STAMBPL1: variants seen among roughly 807,000 people sequenced by gnomAD.
STAMBPL1 encodes the protein STAM binding protein like 1.
Under a neutral mutation model 52.9 loss-of-function variants are expected in STAMBPL1, and 44 were observed. The ratio of observed to expected loss-of-function variants is 0.83; its 90% confidence interval spans 0.65 to 1.07. The LOEUF (loss-of-function observed/expected upper bound fraction) is 1.07. STAMBPL1 is among the 50% of genes least tolerant of loss of function. STAMBPL1 has a pLI of 0.00. For synonymous variants in STAMBPL1, 164 were observed against 177.3 expected (o/e 0.92, Z 0.60); for missense variants, 511 against 520.8 (o/e 0.98, Z 0.18).
At chr10:88,922,597 T>A (rs1845543180) in intron 10 of STAMBPL1, among the ~76,000 whole-genome samples, 161 bp downstream of exon 10, 1 of 152,218 alleles carries the variant, frequency 6.6e-6, no homozygotes, top group African/African-American at 2.4e-5. Flanking sequence ...ACTTAATTTC[T>A]GATTTATTCT....
At chr10:88,903,213 T>A (rs1307109853) in intron 2 of STAMBPL1, among the ~76,000 whole-genome samples, 1 of 152,238 alleles carries the variant, frequency 6.6e-6, no homozygotes, top group East Asian at 1.9e-4. Flanking sequence ...AGACTTTAGG[T>A]TATTTTCCAG....
chr10:88,886,162 A>G (rs1844526528), intron 1 of STAMBPL1, among the ~76,000 whole-genome samples: 1 of 152,252 alleles, frequency 6.6e-6, no homozygotes, highest in Admixed American at 6.5e-5. Flanking sequence ...ATTACTTACA[A>G]AATACCAAAA....
At chr10:88,921,535 C>T (rs771175108) in intron 9 of STAMBPL1, 140 bp downstream of exon 9, 4 of 623,008 alleles carry the variant, frequency 6.4e-6, no homozygotes, top group Middle Eastern at 3.3e-4. Flanking sequence ...TAGTAGTCAG[C>T]TGCCATAGAC....
At chr10:88,901,394 C>A in intron 1 of STAMBPL1, 1 of 247,254 alleles carries the variant, frequency 4.0e-6, no homozygotes, top group Non-Finnish European at 7.8e-6. Context: ...TAAGGTATCC[C>A]GCAGCAGATT....
intron 7 of STAMBPL1, 105 bp from the exon 8 acceptor site, chr10:88,916,574 AC>A (rs1408113821): frequency 4.0e-5 from 45 of 1,112,540 alleles, no homozygotes; most frequent in Non-Finnish European, 4.8e-5. Context: ...ACCTGGACAC[AC>A]CCCCCTGCTG....
At chr10:88,886,562 C>T (rs548431576) in intron 1 of STAMBPL1, among the ~76,000 whole-genome samples, 15 of 151,964 alleles carry the variant, frequency 9.9e-5, no homozygotes, top group Admixed American at 7.2e-4. Context: ...GGTATAGTGG[C>T]ATCACAGTAA....
At chr10:88,882,945 G>A (rs1176805479) in intron 1 of STAMBPL1, 2 of 151,464 alleles carry the variant, frequency 1.3e-5, no homozygotes, top group Non-Finnish European at 2.9e-5. Context: ...GTGCCATGTT[G>A]GTGTGCTGCA....
At chr10:88,908,829 A>T (rs750060125) in intron 4 of STAMBPL1, 52 bp downstream of exon 4, 2 of 1,410,898 alleles carry the variant, frequency 1.4e-6, no homozygotes, top group East Asian at 4.9e-5. Context: ...ATAAGTATCC[A>T]TTATTGATTC....
chr10:88,921,247 C>A, intron 8 of STAMBPL1, 36 bp from the exon 9 acceptor site: 1 of 1,547,232 alleles, frequency 6.5e-7, no homozygotes, highest in East Asian at 2.3e-5. Context: ...GCTAAGACAG[C>A]TATCCTAGTA....
At chr10:88,896,723 C>T (rs997011358) in intron 1 of STAMBPL1, among the ~76,000 whole-genome samples, 1 of 152,134 alleles carries the variant, frequency 6.6e-6, no homozygotes, top group Non-Finnish European at 1.5e-5. Flanking sequence ...TTACTGTATG[C>T]TGAGTCTCTT....
intron 1 of STAMBPL1, among the ~76,000 whole-genome samples, chr10:88,891,846 G>C (rs1209886573): frequency 6.6e-6 from 1 of 152,064 alleles, no homozygotes; most frequent in Non-Finnish European, 1.5e-5. Flanking sequence ...GGCTTTATAA[G>C]TAACATTGAA....
rs1353341308 is a variant in STAMBPL1, at chr10:88,923,160, T to C, written c.1255-8T>C. ...AACATATGGTAAAACCAATTTTTTC[T>C]TTCCTAGATATGCAAACATGTGTTG... On this transcript the variant is annotated splice_region_variant and splice_polypyrimidine_tract_variant and intron_variant, in intron 10 of 10. Transcript: ENST00000371926. 1 of 1,600,842 alleles carries C rather than the reference T, an allele frequency of 6.2e-7. No individual in the cohort carries two copies. The highest frequency in any genetic ancestry group is 1.3e-5 in the African/African-American group (1 of 74,458).
At chr10:88,912,970 A>G (rs1254279113) in intron 5 of STAMBPL1, 131 bp from the exon 6 acceptor site, 2 of 771,678 alleles carry the variant, frequency 2.6e-6, no homozygotes, top group East Asian at 2.5e-5. Flanking sequence ...TCACTGTTCC[A>G]TGAGTGTCCC....
At position 88,922,200 on chromosome 10, in the gene STAMBPL1, AAATCACTATGG is replaced by A. The variant is rs1369828132; in HGVS notation, c.1155-133_1155-123del. On this transcript the variant is annotated intron_variant, in intron 9 of 10. Transcript: ENST00000371926. The stretch of plus-strand genomic sequence containing the variant: ...TGGACCAGTCATTGGTTTAAAAAAA[AAATCACTATGG>A]AATTCCTAGTTTGTGATTTCTCAAT... 1.8e-5 allele frequency: 15 copies of A among 839,230 alleles called. No individual in the cohort carries two copies. The Admixed American group carries it at 1.9e-4, about 10-fold the overall frequency. 52.0% of individuals were successfully genotyped at this position (839,230 alleles called of 1,614,324 possible).
intron 9 of STAMBPL1, 115 bp from the exon 10 acceptor site, chr10:88,922,222 T>C (rs1845530618): frequency 1.0e-6 from 1 of 987,896 alleles, no homozygotes. Context: ...AATTCCTAGT[T>C]TGTGATTTCT....
At chr10:88,921,161 A>T in intron 8 of STAMBPL1, 122 bp from the exon 9 acceptor site, 2 of 710,184 alleles carry the variant, frequency 2.8e-6, no homozygotes, top group Non-Finnish European at 2.2e-6. Context: ...AAACCTTTTT[A>T]AAAATCCTTA....
chr10:88,904,872 C>G (rs1324865330), intron 2 of STAMBPL1, among the ~76,000 whole-genome samples: 2 of 151,248 alleles, frequency 1.3e-5, no homozygotes, highest in East Asian at 3.9e-4. Flanking sequence ...GAGGGGCATT[C>G]TTATGCTTGA....
rs375086162 is a variant in STAMBPL1, at chr10:88,915,364, A to G, written c.903+706A>G. Among the ~76,000 whole-genome samples, 23 of 152,322 alleles carry G rather than the reference A, an allele frequency of 1.5e-4. No individual in the cohort carries two copies. In the East Asian group the frequency reaches 2.5e-3, roughly 17 times the overall value. On this transcript the variant is annotated intron_variant, in intron 7 of 10. Transcript: ENST00000371926. ...AATTTAGCTTAGGAACCTCTGCTTT[A>G]TTGAATAATAATACATTGTATTCAG...
At chr10:88,882,624 T>C (rs879821818) in intron 1 of STAMBPL1, 5 of 152,178 alleles carry the variant, frequency 3.3e-5, no homozygotes, top group Non-Finnish European at 5.9e-5. Flanking sequence ...GCTTTCCTGG[T>C]GGGTACATTT....
Sources: allele counts gnomAD v4.1 joint callset (sites outside exome capture counted in the v4.1 genomes callset), GRCh38; gene constraint gnomAD v4.1.1; transcripts MANE v1.5; gene names NCBI Gene and HGNC (gene_info 2026-07-23, HGNC 2026-07-21).